The following FGF1 variants were observed in gnomAD, a reference collection of about 807,000 sequenced individuals.
The protein encoded by FGF1 is fibroblast growth factor 1.
Under a neutral mutation model 13.4 loss-of-function variants are expected in FGF1, and 9 were observed. The observed-to-expected ratio is 0.67, with a 90% CI of 0.40 to 1.17. The LOEUF is 1.17. FGF1 is among the 50% of genes most tolerant of loss of function. FGF1 has a pLI of 0.01. For synonymous variants in FGF1, 93 were observed against 79.0 expected, an observed-to-expected ratio of 1.18 and a Z score of -0.94; for missense variants, 156 against 192.7, an observed-to-expected ratio of 0.81 and a Z score of 1.13.
intron 1 of FGF1, among the ~76,000 whole-genome samples, chr5:142,678,471 C>T (rs1380928643): frequency 2.0e-5 from 3 of 152,142 alleles, no homozygotes; most frequent in Non-Finnish European, 2.9e-5. Flanking sequence ...CTCCCTCACC[C>T]GCAGCACCCA....
chr5:142,669,541 T>A lies in FGF1; in HGVS notation c.-35+16416A>T, dbSNP rs147160010. ...GAATGAAGAGGATTCTGCAAAGGAGTAATCAGAGGTGACTCGGGCATAGAG... is the reference window on the plus strand; with the variant it reads ...GAATGAAGAGGATTCTGCAAAGGAGAAATCAGAGGTGACTCGGGCATAGAG... On this transcript the variant is annotated intron_variant, in intron 1 of 3. Transcript: ENST00000337706. Among the ~76,000 whole-genome samples the A allele has an allele frequency of 1.2e-3, 183 of 151,856 alleles. 1 individual carries two copies. Among genetic ancestry groups the A allele is most frequent in the East Asian group, 6.2e-3 (32 of 5,160 alleles).
chr5:142,657,555 A>G (rs10051516), intron 1 of FGF1, among the ~76,000 whole-genome samples: 18,670 of 152,152 alleles, frequency 0.12, 2,352 homozygotes, highest in African/African-American at 0.32. Context: ...GTCAGCTGTG[A>G]ATGTTGTTCT....
rs574776939 is a variant in FGF1, at chr5:142,635,821, C to T, written c.-34-21660G>A. Among the ~76,000 whole-genome samples, 115 of 152,312 alleles carry T rather than the reference C, an allele frequency of 7.6e-4. 1 individual carries two copies. The highest frequency in any genetic ancestry group is 2.7e-3 in the African/African-American group (112 of 41,558). ...CCTAGTCTGGGTGATATTTTTTCTA[C>T]ATCAAGATAGAAGAAAGCAGTGCAG... On this transcript the variant is annotated intron_variant, in intron 1 of 3. Coordinates refer to ENST00000337706, the MANE Select transcript of FGF1 (RefSeq NM_000800.5).
At chr5:142,672,597 C>T (rs1008084770) in intron 1 of FGF1, among the ~76,000 whole-genome samples, 3 of 149,372 alleles carry the variant, frequency 2.0e-5, no homozygotes, top group African/African-American at 7.4e-5. Context: ...TTCCGCTTCC[C>T]AGGTTCAAGC....
intron 1 of FGF1, among the ~76,000 whole-genome samples, chr5:142,676,560 G>A (rs1772648072): frequency 6.6e-6 from 1 of 152,198 alleles, no homozygotes; most frequent in Non-Finnish European, 1.5e-5. Flanking sequence ...TTCACACCCA[G>A]ACAGTCCCAT....
intron 3 of FGF1, among the ~76,000 whole-genome samples, chr5:142,598,768 G>A (rs1490805309): frequency 3.9e-5 from 6 of 152,168 alleles, no homozygotes; most frequent in Admixed American, 3.9e-4. Context: ...AATATACTAA[G>A]ATCATATTTC....
At chr5:142,697,098 C>G (rs776234167) in intron 2 of FGF1, among the ~76,000 whole-genome samples, 12 of 152,264 alleles carry the variant, frequency 7.9e-5, no homozygotes, top group Non-Finnish European at 1.5e-4. Context: ...GAAAGGAACT[C>G]TTGAATCTGT....
intron 1 of FGF1, chr5:142,672,075 A>G (rs1771564854): frequency 6.6e-6 from 1 of 152,220 alleles, no homozygotes; most frequent in South Asian, 2.1e-4. Context: ...AAGTTAAAAG[A>G]CTATGCAGTA....
chr5:142,635,794 T>C (rs1420607213), intron 1 of FGF1, among the ~76,000 whole-genome samples: 1 of 152,204 alleles, frequency 6.6e-6, no homozygotes, highest in Non-Finnish European at 1.5e-5. Context: ...GATGTGAGAC[T>C]CCCTAGTCTG....
chr5:142,694,965 A>T lies in FGF1; in HGVS notation c.-35+2657T>A, dbSNP rs891608340. On this transcript the variant is annotated intron_variant, in intron 2 of 4. Transcript: ENST00000407758. Reference sequence around the variant, plus strand: ...TACATGTACTTCTTCCTGCTCTCTGACCCATCACCTGTGCCCTTTGCTCTT... The same window carrying T: ...TACATGTACTTCTTCCTGCTCTCTGTCCCATCACCTGTGCCCTTTGCTCTT... 3.3e-5 allele frequency among the ~76,000 whole-genome samples: 5 copies of T among 152,082 alleles called. No homozygotes were observed. The East Asian group carries it at 9.7e-4, about 29-fold the overall frequency.
intron 1 of FGF1, among the ~76,000 whole-genome samples, chr5:142,640,478 G>A (rs1016790360): frequency 6.6e-6 from 1 of 150,552 alleles, no homozygotes; most frequent in Non-Finnish European, 1.5e-5. Context: ...CCTTTGCCAG[G>A]TGGGGTCAGG....
chr5:142,692,762 C>T (rs1054645097), intron 2 of FGF1, among the ~76,000 whole-genome samples: 1 of 151,698 alleles, frequency 6.6e-6, no homozygotes, highest in African/African-American at 2.4e-5. Flanking sequence ...CAAGATGCCC[C>T]AGGCACACTT....
At chr5:142,617,846 C>T (rs1441867851) in intron 1 of FGF1, among the ~76,000 whole-genome samples, 1 of 152,082 alleles carries the variant, frequency 6.6e-6, no homozygotes, top group Admixed American at 6.5e-5. Flanking sequence ...GGTAGTTGGT[C>T]CAAAGTTCCT....
intron 3 of FGF1, among the ~76,000 whole-genome samples, chr5:142,598,360 G>A (rs139632810): frequency 1.2e-4 from 18 of 152,302 alleles, no homozygotes; most frequent in African/African-American, 3.8e-4. Flanking sequence ...GGATTTGTTA[G>A]CACTCATTAT....
At position 142,592,252 on chromosome 5, in the gene FGF1, T is replaced by C. The variant is rs566227979; in HGVS notation, c.*3038A>G. 33 of 398,136 alleles carry C rather than the reference T, an allele frequency of 8.3e-5. No individual in the cohort carries two copies. The highest frequency in any genetic ancestry group is 6.2e-4 in the African/African-American group (30 of 48,744). The allele number at this position is 398,136 out of a possible 1,614,324, so 24.7% of individuals were successfully genotyped here. On this transcript the variant is annotated 3_prime_UTR_variant, in exon 4 of 4. Coordinates refer to ENST00000337706, the MANE Select transcript of FGF1 (RefSeq NM_000800.5). ...TACACAAAAAGACAGTGATGTGAAA[T>C]AACAGGCATCTTCATCAGAGGTCTG... is the stretch of plus-strand genomic sequence containing the variant.
intron 1 of FGF1, among the ~76,000 whole-genome samples, chr5:142,629,877 T>TTATA (rs1554082564): frequency 1.6e-3 from 217 of 137,524 alleles, no homozygotes; most frequent in East Asian, 4.1e-3. Context: ...TACATATATA[T>TTATA]TATATATATA....
intron 1 of FGF1, among the ~76,000 whole-genome samples, chr5:142,630,258 C>T (rs577112680): frequency 1.3e-5 from 2 of 152,230 alleles, no homozygotes; most frequent in Non-Finnish European, 2.9e-5. Flanking sequence ...CCACACCTCA[C>T]CCTAGTCCCA....
chr5:142,623,196 C>A (rs2151905506), intron 1 of FGF1, among the ~76,000 whole-genome samples: 1 of 152,304 alleles, frequency 6.6e-6, no homozygotes, highest in East Asian at 1.9e-4. Flanking sequence ...GTAAATGACT[C>A]ATTCTCACAG....
At chr5:142,695,612 A>G (rs1752996147) in intron 2 of FGF1, among the ~76,000 whole-genome samples, 1 of 151,836 alleles carries the variant, frequency 6.6e-6, no homozygotes, top group Non-Finnish European at 1.5e-5. Context: ...AAAGAAAAAG[A>G]AAAAAGAATT....
Sources: allele counts gnomAD v4.1 joint callset (sites outside exome capture counted in the v4.1 genomes callset), GRCh38; gene constraint gnomAD v4.1.1; transcripts MANE v1.5; gene names NCBI Gene and HGNC (gene_info 2026-07-23, HGNC 2026-07-21).